The following TMEM74 variants were observed in gnomAD, a reference collection of about 807,000 sequenced individuals.
The protein encoded by TMEM74 is transmembrane protein 74.
A neutral mutation model predicts 18.1 loss-of-function variants in TMEM74; 13 were observed. The observed-to-expected ratio is 0.72, with a 90% CI of 0.47 to 1.14. The LOEUF is 1.14. Ranked by LOEUF, TMEM74 falls within the 50% of genes most tolerant of loss-of-function variation. The pLI is 0.00. For synonymous variants in TMEM74, 159 were observed against 146.6 expected (o/e 1.08, Z -0.61); for missense variants, 372 against 375.9 (o/e 0.99, Z 0.09).
intron 2 of TMEM74, among the ~76,000 whole-genome samples, chr8:108,635,270 G>C (rs559678318): frequency 3.0e-4 from 46 of 150,884 alleles, no homozygotes; most frequent in African/African-American, 1.1e-3. Flanking sequence ...TGGTCTTAGC[G>C]CATTTTTTTT....
At chr8:108,683,193 C>G (rs1813132793) in intron 1 of TMEM74, among the ~76,000 whole-genome samples, 1 of 151,734 alleles carries the variant, frequency 6.6e-6, no homozygotes, top group Non-Finnish European at 1.5e-5. Context: ...GATTTATAAG[C>G]CAGTTCTATT....
intron 1 of TMEM74, among the ~76,000 whole-genome samples, chr8:108,670,463 C>A (rs1406767923): frequency 6.6e-6 from 1 of 152,170 alleles, no homozygotes. Context: ...GATACTGAGT[C>A]TCCCATATAC....
intron 1 of TMEM74, among the ~76,000 whole-genome samples, chr8:108,668,716 C>A (rs569647866): frequency 6.6e-6 from 1 of 152,258 alleles, no homozygotes; most frequent in South Asian, 2.1e-4. Context: ...GTTATGTTAA[C>A]AGCACCTGAT....
intron 1 of TMEM74, among the ~76,000 whole-genome samples, chr8:108,753,475 C>CA (rs1180715017): frequency 1.3e-5 from 2 of 151,828 alleles, no homozygotes; most frequent in Admixed American, 6.6e-5. Flanking sequence ...TCCTAAAAAA[C>CA]AAAAAAAGGA....
intron 1 of TMEM74, among the ~76,000 whole-genome samples, chr8:108,715,249 G>A (rs376951647): frequency 2.0e-5 from 3 of 151,548 alleles, no homozygotes; most frequent in African/African-American, 7.3e-5. Context: ...CACAAAGATG[G>A]CAACACTAGA....
At chr8:108,613,225 G>T (rs1156719686) in intron 2 of TMEM74, among the ~76,000 whole-genome samples, 2 of 152,116 alleles carry the variant, frequency 1.3e-5, no homozygotes, top group African/African-American at 4.8e-5. Flanking sequence ...TTCAACCATT[G>T]TGAAATTTCC....
At position 108,784,960 on chromosome 8, in the gene TMEM74, C is replaced by T; in HGVS notation, c.139G>A (p.Ala47Thr). 1 of 1,614,082 alleles carries T rather than the reference C, an allele frequency of 6.2e-7. No homozygotes were observed. Among genetic ancestry groups the T allele is most frequent in the Non-Finnish European group, 8.5e-7 (1 of 1,179,992 alleles). ...ATCTCGGTTGCTCTTGGGGTGGATG[C>T]ACACTGTTTCTGACAGCAGAGAGCA... Reference protein sequence around the residue: ...RAALCCQKQCASTPRATEMEG... With the variant: ...RAALCCQKQCTSTPRATEMEG... Residue 47 changes from alanine (A) to threonine (T), a missense_variant, in exon 2 of 2, where the codon GCA becomes ACA. Transcript: ENST00000297459.
intron 1 of TMEM74, among the ~76,000 whole-genome samples, chr8:108,673,691 T>C (rs1813025883): frequency 6.6e-6 from 1 of 152,160 alleles, no homozygotes; most frequent in South Asian, 2.1e-4. Context: ...GCCATCAGAA[T>C]AACCCAATGC....
chr8:108,756,676 G>T, intron 1 of TMEM74, among the ~76,000 whole-genome samples: 1 of 103,902 alleles, frequency 9.6e-6, no homozygotes, highest in African/African-American at 4.3e-5. Flanking sequence ...AAGAAAGAAA[G>T]AAAGAAAGAA....
chr8:108,689,250 C>G (rs771021062), intron 1 of TMEM74, among the ~76,000 whole-genome samples: 5 of 152,168 alleles, frequency 3.3e-5, no homozygotes, highest in Non-Finnish European at 5.9e-5. Context: ...TCAAGAAATG[C>G]GGACAAATAC....
At chr8:108,756,867 G>GC (rs1813981678) in intron 1 of TMEM74, among the ~76,000 whole-genome samples, 1 of 151,898 alleles carries the variant, frequency 6.6e-6, no homozygotes, top group African/African-American at 2.4e-5. Context: ...CCATTTTCTT[G>GC]CTGTATTCAT....
chr8:108,764,101 G>A (rs185247749), intron 1 of TMEM74, among the ~76,000 whole-genome samples: 83 of 152,220 alleles, frequency 5.5e-4, no homozygotes, highest in Non-Finnish European at 8.4e-4. Context: ...AAACTTGATA[G>A]CATTTCACTT....
At chr8:108,612,988 C>G (rs1281819404) in intron 2 of TMEM74, among the ~76,000 whole-genome samples, 1 of 151,998 alleles carries the variant, frequency 6.6e-6, no homozygotes, top group Non-Finnish European at 1.5e-5. Flanking sequence ...CTTTGCTACC[C>G]AGCCATTGAA....
At chr8:108,653,643 TAATA>T (rs1490917859) in intron 2 of TMEM74, among the ~76,000 whole-genome samples, 1 of 152,142 alleles carries the variant, frequency 6.6e-6, no homozygotes, top group Admixed American at 6.6e-5. Context: ...ATTGTTTAAA[TAATA>T]AATAATTATT....
chr8:108,695,860 T>G (rs1586264396), intron 1 of TMEM74, among the ~76,000 whole-genome samples: 1 of 152,194 alleles, frequency 6.6e-6, no homozygotes, highest in Non-Finnish European at 1.5e-5. Flanking sequence ...TCAGAAATGA[T>G]AGGAAGCTCA....
chr8:108,697,669 G>T (rs1350290950), intron 1 of TMEM74, among the ~76,000 whole-genome samples: 3 of 152,126 alleles, frequency 2.0e-5, no homozygotes, highest in Non-Finnish European at 4.4e-5. Flanking sequence ...CTTTCAAAAC[G>T]CTGGGATTGC....
chr8:108,652,919 A>G, intron 2 of TMEM74: 1 of 375,030 alleles, frequency 2.7e-6, no homozygotes, highest in South Asian at 2.5e-5. Flanking sequence ...CTGTGTGAAG[A>G]GCGAAGATGA....
rs1455920561 is a variant in TMEM74, at chr8:108,782,491, C to T, written c.*1690G>A. ...TCTTTTTACTATCTTCTGAGCCTCC[C>T]TTTTTGTATTTCAGTTCAACCCTTA... On this transcript the variant is annotated 3_prime_UTR_variant, in exon 2 of 2. Coordinates refer to ENST00000297459, the MANE Select transcript of TMEM74 (RefSeq NM_153015.3). 6.6e-6 allele frequency among the ~76,000 whole-genome samples: 1 copy of T among 152,078 alleles called. No individual in the cohort carries two copies. Among genetic ancestry groups the T allele is most frequent in the African/African-American group, 2.4e-5 (1 of 41,404 alleles).
intron 1 of TMEM74, among the ~76,000 whole-genome samples, chr8:108,712,872 G>A (rs1429435699): frequency 6.6e-6 from 1 of 152,176 alleles, no homozygotes; most frequent in East Asian, 1.9e-4. Context: ...GAGGGGTGAA[G>A]CTTGTGGGAC....
Sources: allele counts gnomAD v4.1 joint callset (sites outside exome capture counted in the v4.1 genomes callset), GRCh38; gene constraint gnomAD v4.1.1; transcripts MANE v1.5; gene names NCBI Gene and HGNC (gene_info 2026-07-23, HGNC 2026-07-21).